MINDY2: variants seen among roughly 807,000 people sequenced by gnomAD.
MINDY2 encodes MINDY lysine 48 deubiquitinase 2, also known as ubiquitin carboxyl-terminal hydrolase MINDY-2.
MINDY2 carries 52 observed loss-of-function variants against 68.2 expected under a neutral mutation model. The observed-to-expected ratio is 0.76, with a 90% CI of 0.61 to 0.96. The LOEUF is 0.96. Ranked by LOEUF, MINDY2 falls within the 40% of genes least tolerant of loss-of-function variation. The pLI, the probability that MINDY2 is intolerant of heterozygous loss-of-function variation, is 0.00. For synonymous variants in MINDY2, 372 were observed against 303.0 expected (o/e 1.23, Z -2.36); for missense variants, 881 against 773.4 (o/e 1.14, Z -1.65).
At chr15:58,851,100 A>G (rs2140868389) in intron 7 of MINDY2, among the ~76,000 whole-genome samples, 1 of 151,944 alleles carries the variant, frequency 6.6e-6, no homozygotes, top group Non-Finnish European at 1.5e-5. Context: ...TAGCTTCCCA[A>G]GTAGTTAGAA....
At chr15:58,832,519 T>C (rs2031786163) in intron 6 of MINDY2, among the ~76,000 whole-genome samples, 1 of 146,600 alleles carries the variant, frequency 6.8e-6, no homozygotes, top group Admixed American at 6.9e-5. Context: ...TGAGCCACCA[T>C]GCCCAGACTT....
Position 58,771,739 on chromosome 15 carries a change from C to T in MINDY2, c.344C>T (p.Ala115Val). 6.2e-7 allele frequency: 1 copy of T among 1,611,550 alleles called. No homozygotes were observed. The highest frequency in any genetic ancestry group is 8.5e-7 in the Non-Finnish European group (1 of 1,179,464). ...AAGGTGACCGCCTCCCCGGAGACAG[C>T]CGTGGCCGGAGTGGGTCATGAGTTG... ...QYKVTASPET[A>V]VAGVGHELGT... The change falls in exon 1 of 9, where the codon GCC becomes GTC. Residue 115 changes from alanine to valine, a missense_variant. Transcript: ENST00000559228.
intron 8 of MINDY2, 29 bp downstream of exon 8, chr15:58,851,994 G>A (rs751621839): frequency 6.3e-5 from 97 of 1,531,402 alleles, no homozygotes; most frequent in Non-Finnish European, 8.2e-5. Flanking sequence ...AGTCTTAAAT[G>A]TGATGATCAT....
At chr15:58,841,389 A>G (rs572559255) in intron 6 of MINDY2, among the ~76,000 whole-genome samples, 14 of 150,754 alleles carry the variant, frequency 9.3e-5, no homozygotes, top group African/African-American at 2.7e-4. Context: ...TGAAGATAAT[A>G]CGCTTTTCCT....
intron 4 of MINDY2, among the ~76,000 whole-genome samples, chr15:58,814,755 T>C (rs1666147907): frequency 6.6e-6 from 1 of 151,980 alleles, no homozygotes; most frequent in African/African-American, 2.4e-5. Flanking sequence ...CACAAATCTC[T>C]TGTCAGATAT....
intron 3 of MINDY2, among the ~76,000 whole-genome samples, chr15:58,803,270 T>C (rs1231115320): frequency 6.8e-6 from 1 of 146,350 alleles, no homozygotes; most frequent in Admixed American, 6.8e-5. Context: ...ATGGAGACCA[T>C]CCTTGTCAAC....
At chr15:58,833,089 T>C (rs1287698559) in intron 6 of MINDY2, among the ~76,000 whole-genome samples, 1 of 152,226 alleles carries the variant, frequency 6.6e-6, no homozygotes, top group Non-Finnish European at 1.5e-5. Context: ...TTTTTGTTGT[T>C]ACAGCTGTCA....
chr15:58,831,055 A>ATG (rs1555433696), intron 5 of MINDY2, among the ~76,000 whole-genome samples: 4 of 145,504 alleles, frequency 2.7e-5, no homozygotes, highest in African/African-American at 1.1e-4. Flanking sequence ...ATATATATAT[A>ATG]TATATGTTTT....
At position 58,847,300 on chromosome 15, in the gene MINDY2, C is replaced by T; in HGVS notation, c.1372C>T (p.Gln458Ter). The T allele has an allele frequency of 1.3e-6, 2 of 1,564,844 alleles. No homozygotes were observed. The highest frequency in any genetic ancestry group is 1.7e-6 in the Non-Finnish European group (2 of 1,145,238). ...TCTTTTGTTACTTCTTATTAAGGGT[C>T]AACTGTATTTGTTGGTAACGGACCA... ...HFSTMTKYKG[Q>*]LYLLVTDQGF... is the part of the protein sequence containing the mutation. The change falls in exon 7 of 9, where the codon CAA becomes TAA. Residue 458 changes from glutamine (Q) to a stop codon, truncating the protein, a stop_gained. Transcript: ENST00000559228. LOFTEE classifies it high-confidence loss of function.
intron 1 of MINDY2, among the ~76,000 whole-genome samples, chr15:58,782,487 T>C (rs1251624142): frequency 6.6e-6 from 1 of 152,226 alleles, no homozygotes; most frequent in Non-Finnish European, 1.5e-5. Context: ...AACTTAATCT[T>C]CACTTGCCAA....
intron 7 of MINDY2, 70 bp downstream of exon 7, chr15:58,847,540 A>C: frequency 7.5e-7 from 1 of 1,330,498 alleles, no homozygotes; most frequent in Non-Finnish European, 1.0e-6. Context: ...TCATGTATCC[A>C]AAATTTTTCA....
At chr15:58,815,979 A>G (rs1595744026) in intron 4 of MINDY2, among the ~76,000 whole-genome samples, 1 of 152,166 alleles carries the variant, frequency 6.6e-6, no homozygotes, top group Non-Finnish European at 1.5e-5. Context: ...CGCCCAGCCA[A>G]AAGGCTATTA....
intron 6 of MINDY2, among the ~76,000 whole-genome samples, chr15:58,840,050 T>A (rs921653459): frequency 6.6e-6 from 1 of 152,140 alleles, no homozygotes; most frequent in Non-Finnish European, 1.5e-5. Flanking sequence ...CCCAGCCTAG[T>A]CTCGAACTCC....
chr15:58,818,430 AT>A (rs767885466), intron 4 of MINDY2, among the ~76,000 whole-genome samples: 1 of 151,556 alleles, frequency 6.6e-6, no homozygotes, highest in African/African-American at 2.4e-5. Flanking sequence ...TAGATTTTTT[AT>A]TTTTTGTGAA....
chr15:58,790,507 G>C (rs1567043233), intron 2 of MINDY2, among the ~76,000 whole-genome samples: 1 of 152,138 alleles, frequency 6.6e-6, no homozygotes, highest in Non-Finnish European at 1.5e-5. Context: ...GCTGTTGGAG[G>C]ATTTTGAACA....
chr15:58,772,608 C>A (rs1048965666), intron 1 of MINDY2, among the ~76,000 whole-genome samples: 3 of 152,148 alleles, frequency 2.0e-5, no homozygotes, highest in Non-Finnish European at 4.4e-5. Flanking sequence ...AAGTAATCTT[C>A]AGAAGTTACC....
At chr15:58,817,002 A>C (rs1211152188) in intron 4 of MINDY2, among the ~76,000 whole-genome samples, 7 of 152,188 alleles carry the variant, frequency 4.6e-5, no homozygotes, top group Non-Finnish European at 8.8e-5. Context: ...TAACTATAAA[A>C]AATAAAACTA....
chr15:58,840,892 T>C (rs371230487), intron 6 of MINDY2, among the ~76,000 whole-genome samples: 1 of 148,504 alleles, frequency 6.7e-6, no homozygotes, highest in African/African-American at 2.5e-5. Context: ...ATGGTCTCGA[T>C]CTCCTGACCT....
In MINDY2 at chr15:58,857,205, T is replaced by TA. The variant is rs1204720410; in HGVS notation, c.*2599dup. Reference sequence around the variant, plus strand: ...GGAAAGATGAAATGTTCAATTGTATTAAAACAAACAAGCTTTTCAGAGATA... The same window carrying TA: ...GGAAAGATGAAATGTTCAATTGTATTAAAAACAAACAAGCTTTTCAGAGATA... On this transcript the variant is annotated 3_prime_UTR_variant, in exon 9 of 9. Coordinates refer to ENST00000559228, the MANE Select transcript of MINDY2 (RefSeq NM_001040450.3). The TA allele has an allele frequency of 1.3e-5, 2 of 152,160 alleles. No individual in the cohort carries two copies. Among genetic ancestry groups the TA allele is most frequent in the African/African-American group, 4.8e-5 (2 of 41,434 alleles). 9.4% of individuals were successfully genotyped at this position (152,160 alleles called of 1,614,324 possible).
Sources: allele counts gnomAD v4.1 joint callset (sites outside exome capture counted in the v4.1 genomes callset), GRCh38; gene constraint gnomAD v4.1.1; transcripts MANE v1.5; gene names NCBI Gene and HGNC (gene_info 2026-07-23, HGNC 2026-07-21).